CCDC7: variants seen among roughly 807,000 people sequenced by gnomAD.
CCDC7 encodes the protein coiled-coil domain containing 7.
CCDC7 carries 183 observed loss-of-function variants against 196.9 expected under a neutral mutation model. The ratio of observed to expected loss-of-function variants is 0.93; its 90% confidence interval spans 0.82 to 1.05. The LOEUF (loss-of-function observed/expected upper bound fraction) is 1.05, where lower values mean the gene tolerates loss of function less well. CCDC7 is among the 50% of genes least tolerant of loss of function. The pLI, the probability that CCDC7 is intolerant of heterozygous loss-of-function variation, is 0.00. For synonymous variants in CCDC7, 525 were observed against 484.6 expected, an observed-to-expected ratio of 1.08 and a Z score of -1.10; for missense variants, 1,540 against 1,482.2, an observed-to-expected ratio of 1.04 and a Z score of -0.64.
chr10:32,682,928 C>T (rs2076030380), intron 21 of CCDC7, among the ~76,000 whole-genome samples: 1 of 152,084 alleles, frequency 6.6e-6, no homozygotes, highest in South Asian at 2.1e-4. Flanking sequence ...AGAATATTTT[C>T]TCCTATTCTG....
intron 11 of CCDC7, among the ~76,000 whole-genome samples, chr10:32,539,148 T>C (rs1241926737): frequency 6.6e-6 from 1 of 152,116 alleles, no homozygotes. Flanking sequence ...CTGGGCTTTT[T>C]TTTTGGTAAG....
intron 28 of CCDC7, among the ~76,000 whole-genome samples, chr10:32,743,988 T>G (rs1592262643): frequency 1.7e-5 from 1 of 57,950 alleles, no homozygotes; most frequent in East Asian, 6.6e-4. Flanking sequence ...GGGCCTGTTG[T>G]GGGGTGGGGG....
intron 24 of CCDC7, among the ~76,000 whole-genome samples, chr10:32,698,961 C>T (rs574534629): frequency 1.9e-3 from 282 of 152,286 alleles, no homozygotes; most frequent in Non-Finnish European, 3.1e-3. Flanking sequence ...AGAGAAAGTT[C>T]GGGTTAACCA....
intron 28 of CCDC7, among the ~76,000 whole-genome samples, chr10:32,776,040 C>T (rs1404941849): frequency 2.7e-5 from 4 of 146,572 alleles, no homozygotes; most frequent in African/African-American, 1.0e-4. Flanking sequence ...AACAAAAAAC[C>T]AAACACCGCA....
intron 20 of CCDC7, among the ~76,000 whole-genome samples, chr10:32,645,653 C>G (rs1225426054): frequency 3.3e-5 from 5 of 151,828 alleles, no homozygotes; most frequent in Non-Finnish European, 5.9e-5. Flanking sequence ...AGCAGTGAAC[C>G]CATCAAGGTT....
chr10:32,665,674 T>A (rs753966020), intron 21 of CCDC7, among the ~76,000 whole-genome samples: 5 of 152,082 alleles, frequency 3.3e-5, no homozygotes, highest in Non-Finnish European at 5.9e-5. Context: ...TTGTTTTTCT[T>A]GCTCAAGATT....
chr10:32,668,550 A>G (rs2073339555), intron 21 of CCDC7, among the ~76,000 whole-genome samples: 3 of 152,140 alleles, frequency 2.0e-5, no homozygotes, highest in Admixed American at 2.0e-4. Flanking sequence ...TCCCATCAAT[A>G]CCTAATTTAT....
At chr10:32,662,053 T>G (rs1406898718) in intron 20 of CCDC7, among the ~76,000 whole-genome samples, 16 of 152,164 alleles carry the variant, frequency 1.1e-4, no homozygotes, top group Non-Finnish European at 2.1e-4. Flanking sequence ...AGCAGGGATA[T>G]GCAATTCCCT....
intron 18 of CCDC7, among the ~76,000 whole-genome samples, chr10:32,611,545 TG>T (rs2062134371): frequency 6.6e-6 from 1 of 152,252 alleles, no homozygotes; most frequent in Non-Finnish European, 1.5e-5. Context: ...AGGGTTTTTA[TG>T]GTTTTAGGTC....
At chr10:32,850,843 G>A (rs1391592508) in intron 39 of CCDC7, among the ~76,000 whole-genome samples, 3 of 151,150 alleles carry the variant, frequency 2.0e-5, no homozygotes, top group Non-Finnish European at 4.4e-5. Flanking sequence ...TAACAGTGGT[G>A]AGACAGGGAC....
Position 32,754,058 on chromosome 10 carries a change from AAAGT to A in CCDC7, c.2905+24607_2905+24610del, listed in dbSNP as rs549795361. 6.0e-3 allele frequency among the ~76,000 whole-genome samples: 912 copies of A among 152,294 alleles called. 9 individuals carry two copies. The highest frequency in any genetic ancestry group is 0.021 in the African/African-American group (869 of 41,582). On this transcript the variant is annotated intron_variant, in intron 28 of 41. Coordinates refer to ENST00000639629, the Ensembl canonical transcript of CCDC7. ...ATAAGATAAAATTCCTATTGCTGCT[AAAGT>A]AAGTATTGTTGTAAAATGTATAACC...
intron 18 of CCDC7, among the ~76,000 whole-genome samples, chr10:32,631,255 T>A (rs2064817046): frequency 6.6e-6 from 1 of 152,188 alleles, no homozygotes; most frequent in African/African-American, 2.4e-5. Context: ...AAAATTTACT[T>A]CTCTATTTTT....
intron 11 of CCDC7, among the ~76,000 whole-genome samples, chr10:32,540,513 C>T (rs1332672907): frequency 6.6e-6 from 1 of 152,134 alleles, no homozygotes; most frequent in African/African-American, 2.4e-5. Flanking sequence ...GGCATTTAGC[C>T]CATTTGCATT....
At chr10:32,499,854 C>T (rs1295773022) in intron 9 of CCDC7, among the ~76,000 whole-genome samples, 1 of 152,160 alleles carries the variant, frequency 6.6e-6, no homozygotes, top group Non-Finnish European at 1.5e-5. Flanking sequence ...GCACATCTTG[C>T]ACCACCTTTA....
chr10:32,705,035 G>A (rs928573983), intron 24 of CCDC7, among the ~76,000 whole-genome samples: 8 of 152,082 alleles, frequency 5.3e-5, no homozygotes, highest in African/African-American at 1.2e-4. Context: ...CCCACTGTCC[G>A]ACAATGCCCA....
chr10:32,578,442 A>T (rs1697439261), intron 16 of CCDC7, among the ~76,000 whole-genome samples: 1 of 151,392 alleles, frequency 6.6e-6, no homozygotes, highest in African/African-American at 2.4e-5. Context: ...ACTCACCTTA[A>T]TGTAGAGTCA....
intron 28 of CCDC7, among the ~76,000 whole-genome samples, chr10:32,775,344 G>C (rs938184508): frequency 6.6e-6 from 1 of 152,132 alleles, no homozygotes; most frequent in African/African-American, 2.4e-5. Context: ...TATAGGAAAA[G>C]TGAGGGCAAA....
At chr10:32,733,380 T>C (rs928127769) in intron 28 of CCDC7, among the ~76,000 whole-genome samples, 1 of 152,150 alleles carries the variant, frequency 6.6e-6, no homozygotes, top group South Asian at 2.1e-4. Context: ...GCATCTTTTT[T>C]GTAGCTCAGA....
At chr10:32,460,740 A>C (rs1444432081) in intron 3 of CCDC7, among the ~76,000 whole-genome samples, 1 of 152,144 alleles carries the variant, frequency 6.6e-6, no homozygotes, top group African/African-American at 2.4e-5. Flanking sequence ...ATGCTTTCTT[A>C]TTTAGCTTAG....
Sources: allele counts gnomAD v4.1 joint callset (sites outside exome capture counted in the v4.1 genomes callset), GRCh38; gene constraint gnomAD v4.1.1; transcripts MANE v1.5; gene names NCBI Gene and HGNC (gene_info 2026-07-23, HGNC 2026-07-21).